FCHO1: variants seen among roughly 807,000 people sequenced by gnomAD.
FCHO1 encodes the protein F-BAR domain only protein 1.
FCHO1 carries 45 observed loss-of-function variants against 114.4 expected under a neutral mutation model. The ratio of observed to expected loss-of-function variants is 0.39; its 90% CI spans 0.31 to 0.50. FCHO1 has a LOEUF of 0.50. Among genes scored for constraint, FCHO1 ranks in the 20% least tolerant of loss-of-function variants. The pLI, the probability that FCHO1 is intolerant of heterozygous loss-of-function variation, is 0.77. For missense variants in FCHO1, 1,042 were observed against 1,209.6 expected, an observed-to-expected ratio of 0.86 and a Z score of 2.06; for synonymous variants, 480 against 488.9, an observed-to-expected ratio of 0.98 and a Z score of 0.24.
In FCHO1 at chr19:17,753,420, C is replaced by T. The variant is rs980415026; in HGVS notation, c.-182-897C>T. ...TTTAAAACCCCAACTCCCATGAGCC[C>T]TCCTTTAGTCCAGGTTCTTTTGGAC... On this transcript the variant is annotated intron_variant, in intron 1 of 28. Coordinates refer to ENST00000596536, the MANE Select transcript of FCHO1 (RefSeq NM_015122.3). 2.6e-5 allele frequency among the ~76,000 whole-genome samples: 4 copies of T among 152,222 alleles called. No homozygotes were observed. The East Asian group carries it at 7.7e-4, about 29-fold the overall frequency.
At chr19:17,770,756 G>T (rs774364972) in intron 8 of FCHO1, 36 bp from the exon 9 acceptor site, 1 of 1,609,352 alleles carries the variant, frequency 6.2e-7, no homozygotes, top group Non-Finnish European at 8.5e-7. Flanking sequence ...CCTGAGTATC[G>T]CCCTCCCATC....
intron 1 of FCHO1, among the ~76,000 whole-genome samples, chr19:17,752,725 C>A (rs921785778): frequency 3.5e-5 from 5 of 143,938 alleles, no homozygotes; most frequent in Non-Finnish European, 6.1e-5. Flanking sequence ...ACTAGTGAGA[C>A]CTAGTCTCTA....
At chr19:17,756,197 G>T (rs904436003) in intron 4 of FCHO1, among the ~76,000 whole-genome samples, 1 of 152,140 alleles carries the variant, frequency 6.6e-6, no homozygotes, top group Non-Finnish European at 1.5e-5. Context: ...TCTTAAAGGG[G>T]CCGCACTCCC....
Position 17,762,743 on chromosome 19 carries a change from C to T in FCHO1, c.28-19C>T. On this transcript the variant is annotated intron_variant, in intron 4 of 28. Transcript: ENST00000596536. The stretch of plus-strand genomic sequence containing the variant: ...TGTTCTCTCCATCCTTTCTCAATCT[C>T]TATTCCCATCCCCTGCAGGGCGAGA... 1.9e-6 allele frequency: 3 copies of T among 1,579,394 alleles called. No individual in the cohort carries two copies. Among genetic ancestry groups the T allele is most frequent in the Non-Finnish European group, 1.7e-6 (2 of 1,148,182 alleles).
rs769574803 is a variant in FCHO1 at position 17,766,723 on chromosome 19, G to C, written c.249G>C (p.Leu83=). 4 of 1,614,176 alleles carry C rather than the reference G, an allele frequency of 2.5e-6. No homozygotes were observed. The South Asian group carries it at 4.4e-5, about 18-fold the overall frequency. ...VFRVSSDKLA[L]CHLELTRKLQ... is the part of the protein sequence containing the mutation. ...GCGTCTCCTCGGACAAGCTGGCGCT[G>C]TGCCACCTGGAACTGACACGGAAGT... The change falls in exon 7 of 29, where the codon CTG becomes CTC. Residue 83 remains leucine, a synonymous_variant. Coordinates refer to ENST00000596536, the MANE Select transcript of FCHO1 (RefSeq NM_015122.3).
chr19:17,784,324 CA>C lies in FCHO1; in HGVS notation c.2226+90del. The C allele has an allele frequency of 6.7e-7, 1 of 1,483,238 alleles. No individual in the cohort carries two copies. The highest frequency in any genetic ancestry group is 9.1e-7 in the Non-Finnish European group (1 of 1,102,284). The allele number at this position is 1,483,238 out of a possible 1,614,324, so 91.9% of individuals were successfully genotyped here. A position where few individuals can be genotyped will look rare whatever the true frequency, so the allele number is the denominator to read the frequency against. ...GACATGGAGGCGCCTGCGTGTTGGCCAGGCTGGTCTCGAATTCCTGACCTCA... is the reference window on the plus strand; with the variant it reads ...GACATGGAGGCGCCTGCGTGTTGGCCGGCTGGTCTCGAATTCCTGACCTCA... On this transcript the variant is annotated intron_variant, in intron 25 of 28. Transcript: ENST00000596536. The surrounding 1 kb of genome is among the most constrained non-coding windows in gnomAD (Gnocchi z 5.3).
In FCHO1 at chr19:17,784,835, G is replaced by A. The variant is rs761640192; in HGVS notation, c.2337G>A (p.Thr779=). The change falls in exon 26 of 29, where the codon ACG becomes ACA. Residue 779 remains threonine (T), a synonymous_variant. Coordinates refer to ENST00000596536, the MANE Select transcript of FCHO1 (RefSeq NM_015122.3). The surrounding 1 kb of genome is among the most constrained non-coding windows in gnomAD (Gnocchi z 5.3). ...SVEYGYRPGA[T]AVPTPLTNVQ... ...AGTACGGCTACCGGCCCGGTGCCAC[G>A]GCTGTGCCCACACCACTCACGAACG... The A allele has an allele frequency of 2.9e-5, 47 of 1,613,806 alleles. No homozygotes were observed. Among genetic ancestry groups the A allele is most frequent in the Middle Eastern group, 3.3e-4 (2 of 6,082 alleles).
Position 17,754,319 on chromosome 19 carries a change from G to C in FCHO1, c.-180G>C, listed in dbSNP as rs967811481. On this transcript the variant is annotated splice_region_variant and 5_prime_UTR_variant, in exon 2 of 29. An upstream start codon of the reference 5' UTR is lost. Transcript: ENST00000596536. Reference sequence around the variant, plus strand: ...AAGCATTCCTTCTTATTTTGCAGATGGGGAAACTGAGGCACGGAGCTGGAC... The same window carrying C: ...AAGCATTCCTTCTTATTTTGCAGATCGGGAAACTGAGGCACGGAGCTGGAC... 9 of 152,372 alleles carry C rather than the reference G, an allele frequency of 5.9e-5. No individual in the cohort carries two copies. Among genetic ancestry groups the C allele is most frequent in the Non-Finnish European group, 1.5e-5 (1 of 68,118 alleles). The allele number at this position is 152,372 out of a possible 1,614,324, so 9.4% of individuals were successfully genotyped here. A position where few individuals can be genotyped will look rare whatever the true frequency, so the allele number is the denominator to read the frequency against.
chr19:17,772,308 A>AT, intron 9 of FCHO1, 149 bp from the exon 10 acceptor site: 1 of 639,530 alleles, frequency 1.6e-6, no homozygotes, highest in Non-Finnish European at 2.8e-6. Context: ...AGAGTCAATG[A>AT]AAGTCCTAGG....
Position 17,784,625 on chromosome 19 carries a change from C to T in FCHO1, c.2227-100C>T, listed in dbSNP as rs560387605. On this transcript the variant is annotated intron_variant, in intron 25 of 28. Transcript: ENST00000596536. The surrounding 1 kb of genome is among the most constrained non-coding windows in gnomAD (Gnocchi z 5.3). ...TCCCTGTGACTGGACCCCCTTGGGG[C>T]GGTGCGTGCATCGCAGGGTCAAGGT... 3.8e-5 allele frequency: 42 copies of T among 1,115,204 alleles called. No individual in the cohort carries two copies. The highest frequency in any genetic ancestry group is 7.1e-5 in the East Asian group (3 of 42,434). 69.1% of individuals were successfully genotyped at this position (1,115,204 alleles called of 1,614,324 possible).
At chr19:17,780,088 A>G (rs2093228283) in intron 20 of FCHO1, among the ~76,000 whole-genome samples, 1 of 151,746 alleles carries the variant, frequency 6.6e-6, no homozygotes, top group Admixed American at 6.6e-5. Flanking sequence ...CCTCCATAGG[A>G]AAGGGCCAGG....
intron 4 of FCHO1, among the ~76,000 whole-genome samples, chr19:17,756,446 G>A (rs1025530926): frequency 6.6e-6 from 1 of 152,202 alleles, no homozygotes; most frequent in African/African-American, 2.4e-5. Context: ...CAGGCTCGCT[G>A]CAGAAAATTC....
intron 20 of FCHO1, among the ~76,000 whole-genome samples, chr19:17,780,709 T>C (rs1207442074): frequency 2.0e-5 from 3 of 151,082 alleles, no homozygotes; most frequent in South Asian, 4.2e-4. Flanking sequence ...GGAGCACAGC[T>C]TGGGGTACAG....
chr19:17,788,246 C>T (rs758026130), intron 28 of FCHO1, 38 bp from the exon 29 acceptor site: 2 of 1,024,992 alleles, frequency 2.0e-6, no homozygotes, highest in Admixed American at 1.8e-5. Context: ...CCGTACCCCT[C>T]CTCCCCACCC....
intron 7 of FCHO1, among the ~76,000 whole-genome samples, chr19:17,767,744 T>G (rs115282602): frequency 0.014 from 2,053 of 147,648 alleles, 48 homozygotes; most frequent in African/African-American, 0.049. Context: ...CCCATTGATG[T>G]GCCTGTCATC....
intron 4 of FCHO1, among the ~76,000 whole-genome samples, chr19:17,756,958 G>A (rs2083780030): frequency 6.6e-6 from 1 of 152,118 alleles, no homozygotes; most frequent in Non-Finnish European, 1.5e-5. Flanking sequence ...GGAGGCCGAG[G>A]GAGGCGGATC....
chr19:17,774,979 G>A (rs1797071185), intron 13 of FCHO1, 77 bp from the exon 14 acceptor site: 2 of 1,529,336 alleles, frequency 1.3e-6, no homozygotes, highest in South Asian at 1.1e-5. Context: ...CAGCTTCCAT[G>A]TCCAGTGTTG....
In FCHO1 at chr19:17,787,821, G is replaced by A. The variant is rs377289423; in HGVS notation, c.2622G>A (p.Ser874=). Residue 874 remains serine (S), a synonymous_variant, in exon 28 of 29, where the codon TCG becomes TCA. Transcript: ENST00000596536. ...LELVGSGYRM[S]LVKRRFATGM... ...TGGTGGGCAGCGGTTACCGCATGTC[G>A]CTGGTGAAGAGGAGGTTTGCCACAG... 4.1e-5 allele frequency: 66 copies of A among 1,613,298 alleles called. 1 individual carries two copies. Among genetic ancestry groups the A allele is most frequent in the South Asian group, 9.9e-5 (9 of 90,860 alleles).
chr19:17,752,226 TTGTATGTATGTATGTA>T (rs10544763), intron 1 of FCHO1: 6 of 149,836 alleles, frequency 4.0e-5, no homozygotes, highest in East Asian at 2.0e-4. Flanking sequence ...GGGCATATAA[TTGTATGTATGTATGTA>T]TGTATGTATG....
Sources: allele counts gnomAD v4.1 joint callset (sites outside exome capture counted in the v4.1 genomes callset), GRCh38; gene constraint gnomAD v4.1.1; non-coding constraint Gnocchi (gnomAD v3.1); transcripts MANE v1.5; gene names NCBI Gene and HGNC (gene_info 2026-07-23, HGNC 2026-07-21).